RAI14: variants seen among roughly 807,000 people sequenced by gnomAD.
The protein encoded by RAI14 is ankycorbin.
In RAI14, 45 loss-of-function variants were observed where a neutral mutation model predicts 115.4. That is an observed-to-expected ratio of 0.39 (90% CI 0.31 to 0.50). RAI14 has a LOEUF of 0.50. RAI14 is among the 20% of genes least tolerant of loss of function. The probability of loss-of-function intolerance (pLI) is 0.85; values close to 1 mark genes in which losing one functional copy is unlikely to be tolerated. For synonymous variants in RAI14, 371 were observed against 415.4 expected, an observed-to-expected ratio of 0.89 and a Z score of 1.30; for missense variants, 939 against 1,131.2, an observed-to-expected ratio of 0.83 and a Z score of 2.44.
chr5:34,790,595 G>GAT (rs1752800729), intron 3 of RAI14, among the ~76,000 whole-genome samples: 1 of 151,992 alleles, frequency 6.6e-6, no homozygotes, highest in African/African-American at 2.4e-5. Flanking sequence ...ATATTTTAAA[G>GAT]AGTTAGAGCA....
chr5:34,729,058 A>C (rs181577539), intron 2 of RAI14, among the ~76,000 whole-genome samples: 1 of 152,318 alleles, frequency 6.6e-6, no homozygotes, highest in African/African-American at 2.4e-5. Flanking sequence ...GAGGCAGATA[A>C]GTGAGTTATT....
rs115861115 is a variant in RAI14 at position 34,804,647 on chromosome 5, A to G, written c.321+871A>G. Among the ~76,000 whole-genome samples the G allele has an allele frequency of 5.8e-3, 886 of 152,366 alleles. 8 individuals carry two copies. Among genetic ancestry groups the G allele is most frequent in the Middle Eastern group, 0.024 (7 of 294 alleles). On this transcript the variant is annotated intron_variant, in intron 5 of 17. Coordinates refer to ENST00000265109, the MANE Select transcript of RAI14 (RefSeq NM_015577.3). ...CACACAGCTTCTTGTCTTGCGTTAC[A>G]TGATGCAAGCTATTGCCAGTTCCAA...
rs879543118 is a variant in RAI14 at position 34,786,143 on chromosome 5, G to A, written c.168-9796G>A. 2.5e-4 allele frequency among the ~76,000 whole-genome samples: 38 copies of A among 152,344 alleles called. 1 individual carries two copies. The East Asian group carries it at 2.5e-3, about 10-fold the overall frequency. ...AATGCCCCGGTTTGGAACGGGGCCC[G>A]GGATGGGCCCCTCATGCCATTTCCC... On this transcript the variant is annotated intron_variant, in intron 3 of 17. Coordinates refer to ENST00000265109, the MANE Select transcript of RAI14 (RefSeq NM_015577.3).
At chr5:34,713,590 A>G (rs1216012804) in intron 2 of RAI14, among the ~76,000 whole-genome samples, 1 of 152,298 alleles carries the variant, frequency 6.6e-6, no homozygotes, top group Non-Finnish European at 1.5e-5. Context: ...TATAAAGATA[A>G]TGTCTCACTG....
intron 2 of RAI14, among the ~76,000 whole-genome samples, chr5:34,713,996 G>C (rs1316367220): frequency 6.6e-6 from 1 of 151,594 alleles, no homozygotes; most frequent in African/African-American, 2.4e-5. Flanking sequence ...TAGAGACAGG[G>C]TTTCACCATA....
intron 3 of RAI14, among the ~76,000 whole-genome samples, chr5:34,762,816 A>T (rs1431319446): frequency 6.6e-6 from 1 of 152,166 alleles, no homozygotes; most frequent in Non-Finnish European, 1.5e-5. Flanking sequence ...ATTTAATTAA[A>T]GTTATGTGTG....
chr5:34,816,927 A>C (rs1371907398), intron 12 of RAI14, among the ~76,000 whole-genome samples: 1 of 152,130 alleles, frequency 6.6e-6, no homozygotes, highest in Non-Finnish European at 1.5e-5. Context: ...ACAAAAAAAA[A>C]CAAGATAAAA....
intron 7 of RAI14, among the ~76,000 whole-genome samples, chr5:34,808,916 A>G (rs897537030): frequency 1.3e-5 from 2 of 152,292 alleles, no homozygotes; most frequent in South Asian, 4.1e-4. Flanking sequence ...TTGTGCTCCT[A>G]TGAGAATCCA....
At chr5:34,660,261 C>T (rs1269763704) in intron 1 of RAI14, among the ~76,000 whole-genome samples, 3 of 151,402 alleles carry the variant, frequency 2.0e-5, no homozygotes, top group African/African-American at 7.3e-5. Context: ...GGAGAAACCC[C>T]GTCTCTACTA....
chr5:34,670,279 C>T (rs914320764), intron 1 of RAI14, among the ~76,000 whole-genome samples: 6 of 152,138 alleles, frequency 3.9e-5, no homozygotes, highest in South Asian at 2.1e-4. Context: ...CCCAGTGTCA[C>T]GTGTTGGGCT....
intron 4 of RAI14, among the ~76,000 whole-genome samples, chr5:34,802,761 TAAAG>T (rs1288018018): frequency 6.6e-6 from 1 of 152,156 alleles, no homozygotes; most frequent in East Asian, 1.9e-4. Context: ...CTATGAAGGA[TAAAG>T]AAATAAAGCA....
chr5:34,659,280 T>C (rs1288493634), intron 1 of RAI14, among the ~76,000 whole-genome samples: 1 of 152,230 alleles, frequency 6.6e-6, no homozygotes, highest in Admixed American at 6.5e-5. Flanking sequence ...TCACTGTTTT[T>C]TGTTTGAGCT....
At chr5:34,684,072 CAGCCAGCGACAGTT>C (rs145742664) in intron 1 of RAI14, among the ~76,000 whole-genome samples, 3,616 of 152,190 alleles carry the variant, frequency 0.024, 133 homozygotes, top group African/African-American at 0.083. Flanking sequence ...AACCCTGGCC[CAGCCAGCGACAGTT>C]AGCCAGCGAC....
At chr5:34,693,532 C>T (rs1220329572) in intron 2 of RAI14, among the ~76,000 whole-genome samples, 2 of 152,238 alleles carry the variant, frequency 1.3e-5, no homozygotes, top group African/African-American at 2.4e-5. Context: ...AGCCCCTTTG[C>T]ATGCTCTTTG....
At chr5:34,699,185 T>C (rs1191186900) in intron 2 of RAI14, among the ~76,000 whole-genome samples, 2 of 152,356 alleles carry the variant, frequency 1.3e-5, no homozygotes, top group East Asian at 1.9e-4. Context: ...CTAGGCATCA[T>C]TCTAAGCAAC....
chr5:34,812,310 C>A, intron 10 of RAI14, 102 bp downstream of exon 10: 1 of 1,038,634 alleles, frequency 9.6e-7, no homozygotes, highest in Non-Finnish European at 1.4e-6. Flanking sequence ...GTAATAAAGA[C>A]TATATTGAAA....
rs994508858 is a variant in RAI14 at position 34,714,832 on chromosome 5, G to C, written c.36+27877G>C. 4.6e-5 allele frequency among the ~76,000 whole-genome samples: 7 copies of C among 152,226 alleles called. No individual in the cohort carries two copies. The East Asian group carries it at 9.7e-4, about 21-fold the overall frequency. On this transcript the variant is annotated intron_variant, in intron 2 of 17. Coordinates refer to ENST00000265109, the MANE Select transcript of RAI14 (RefSeq NM_015577.3). ...ATTAGCATTGCAGTAGCCCAACCTT[G>C]AAAACAGCTATGCTGGAAGGATCAA...
At chr5:34,671,040 C>T (rs879903419) in intron 1 of RAI14, among the ~76,000 whole-genome samples, 2 of 152,150 alleles carry the variant, frequency 1.3e-5, no homozygotes, top group Admixed American at 1.3e-4. Context: ...GCCTCCACTA[C>T]AGAAAACTTG....
At chr5:34,802,411 G>A (rs1383272894) in intron 4 of RAI14, among the ~76,000 whole-genome samples, 3 of 152,188 alleles carry the variant, frequency 2.0e-5, no homozygotes, top group African/African-American at 4.8e-5. Flanking sequence ...TTATCTACAG[G>A]TGTTATATTA....
Sources: gnomAD v4.1 joint callset for allele counts (sites outside exome capture counted in the v4.1 genomes callset) on GRCh38, gnomAD v4.1.1 for gene constraint, MANE v1.5 for transcripts, NCBI Gene and HGNC (gene_info 2026-07-23, HGNC 2026-07-21) for gene names.